FILIP1L: variants seen among roughly 807,000 people sequenced by gnomAD.
FILIP1L encodes the protein filamin A-interacting protein 1-like.
A neutral mutation model predicts 96.6 loss-of-function variants in FILIP1L; 55 were observed. That is an observed-to-expected ratio of 0.57 (90% CI 0.46 to 0.71). The LOEUF (loss-of-function observed/expected upper bound fraction) is 0.71, where lower values mean the gene tolerates loss of function less well. Ranked by LOEUF, FILIP1L falls within the 30% of genes least tolerant of loss-of-function variation. The pLI is 0.00. For synonymous variants in FILIP1L, 467 were observed against 473.9 expected (o/e 0.99, Z 0.19); for missense variants, 1,304 against 1,321.2 (o/e 0.99, Z 0.20).
intron 1 of FILIP1L, among the ~76,000 whole-genome samples, chr3:99,984,366 C>A (rs1391688896): frequency 6.6e-6 from 1 of 152,144 alleles, no homozygotes; most frequent in African/African-American, 2.4e-5. Flanking sequence ...TAGGATTAAA[C>A]CATTTATTAC....
At chr3:100,000,877 T>A (rs1287512296) in intron 1 of FILIP1L, among the ~76,000 whole-genome samples, 1 of 152,236 alleles carries the variant, frequency 6.6e-6, no homozygotes, top group Non-Finnish European at 1.5e-5. Context: ...TCAGTAACTA[T>A]GTTGTATATA....
intron 1 of FILIP1L, among the ~76,000 whole-genome samples, chr3:100,086,364 T>C (rs931381021): frequency 4.6e-5 from 7 of 152,186 alleles, no homozygotes; most frequent in African/African-American, 1.7e-4. Flanking sequence ...CAAGTATTAC[T>C]ACTGAGAAAT....
intron 5 of FILIP1L, among the ~76,000 whole-genome samples, chr3:99,831,128 A>G (rs1393112884): frequency 6.6e-6 from 1 of 152,206 alleles, no homozygotes; most frequent in African/African-American, 2.4e-5. Flanking sequence ...AGTCAAGGAT[A>G]TTTGATTTTA....
At chr3:100,017,557 T>C (rs1334229815) in intron 1 of FILIP1L, among the ~76,000 whole-genome samples, 2 of 152,212 alleles carry the variant, frequency 1.3e-5, no homozygotes, top group African/African-American at 4.8e-5. Context: ...CTTTGTGCTG[T>C]CAGCAACATG....
chr3:100,000,238 C>T (rs940231228), intron 1 of FILIP1L, among the ~76,000 whole-genome samples: 30 of 152,186 alleles, frequency 2.0e-4, no homozygotes, highest in African/African-American at 7.0e-4. Context: ...TAATATTGTC[C>T]GGTGACCTTG....
chr3:99,901,189 G>A (rs116775010), intron 4 of FILIP1L, among the ~76,000 whole-genome samples: 1,715 of 152,274 alleles, frequency 0.011, 18 homozygotes, highest in African/African-American at 0.025. Context: ...CAAATCTTCA[G>A]GAAAGTGTTG....
chr3:100,021,170 T>A (rs953417899), intron 1 of FILIP1L, among the ~76,000 whole-genome samples: 1 of 152,192 alleles, frequency 6.6e-6, no homozygotes, highest in Non-Finnish European at 1.5e-5. Context: ...TGCTCTCACA[T>A]AGAACACACT....
At chr3:100,043,994 C>T (rs1247348140) in intron 1 of FILIP1L, among the ~76,000 whole-genome samples, 1 of 152,150 alleles carries the variant, frequency 6.6e-6, no homozygotes, top group African/African-American at 2.4e-5. Context: ...CAGTTCCATC[C>T]ACGTTGTTGG....
rs138947318 is a variant in FILIP1L, at chr3:99,968,818, G to A, written c.-10-37788C>T. Among the ~76,000 whole-genome samples the A allele has an allele frequency of 4.4e-3, 673 of 152,290 alleles. 2 individuals carry two copies. The highest frequency in any genetic ancestry group is 0.015 in the African/African-American group (619 of 41,550). On this transcript the variant is annotated intron_variant, in intron 1 of 5. Coordinates refer to ENST00000477258, the MANE Select transcript of FILIP1L (RefSeq NM_001387850.1). The stretch of plus-strand genomic sequence containing the variant: ...GAGAAGTTTCAGTCCAGTGGCCAGG[G>A]CAGAATGACATTGTGTCTTGTTTTA...
chr3:100,031,735 G>A (rs545230903), intron 1 of FILIP1L, among the ~76,000 whole-genome samples: 87 of 152,238 alleles, frequency 5.7e-4, no homozygotes, highest in African/African-American at 2.0e-3. Flanking sequence ...GGAGGACCTT[G>A]TATTTTACGT....
chr3:100,062,093 C>CT lies in FILIP1L; in HGVS notation c.-11+51959dup, dbSNP rs71907944. Among the ~76,000 whole-genome samples the CT allele has an allele frequency of 2.8e-3, 148 of 53,172 alleles. 46 individuals are homozygous for CT. Among genetic ancestry groups the CT allele is most frequent in the Middle Eastern group, 0.014 (1 of 72 alleles). 34.9% of individuals were successfully genotyped at this position (53,172 alleles called of 152,430 possible). A position where few individuals can be genotyped will look rare whatever the true frequency, so the allele number is the denominator to read the frequency against. The stretch of plus-strand genomic sequence containing the variant: ...CCACTTGTGGTTATCCTGTCTTCTT[C>CT]TTTTTTTTTTTTTTTTTTTTTTTTT... On this transcript the variant is annotated intron_variant, in intron 1 of 5. Transcript: ENST00000477258.
chr3:99,987,615 A>G (rs1328665436), intron 1 of FILIP1L, among the ~76,000 whole-genome samples: 1 of 152,154 alleles, frequency 6.6e-6, no homozygotes, highest in Non-Finnish European at 1.5e-5. Context: ...CTCTGGCCTT[A>G]ATCTTATTAA....
At chr3:99,983,936 T>G (rs1310142657) in intron 1 of FILIP1L, among the ~76,000 whole-genome samples, 2 of 151,872 alleles carry the variant, frequency 1.3e-5, no homozygotes, top group Non-Finnish European at 2.9e-5. Flanking sequence ...GAGAGGAAAA[T>G]GTCCTATACC....
At chr3:100,087,400 AC>A (rs2066028590) in intron 1 of FILIP1L, among the ~76,000 whole-genome samples, 1 of 152,076 alleles carries the variant, frequency 6.6e-6, no homozygotes, top group African/African-American at 2.4e-5. Flanking sequence ...GTTTTGGTTG[AC>A]TGGGTTTTGT....
intron 1 of FILIP1L, among the ~76,000 whole-genome samples, chr3:100,108,970 G>C (rs890318598): frequency 1.3e-5 from 2 of 151,838 alleles, no homozygotes; most frequent in Non-Finnish European, 2.9e-5. Context: ...GGTACTTAGA[G>C]TTTATTGCGT....
At chr3:100,040,522 T>C (rs963365142) in intron 1 of FILIP1L, 2 of 152,238 alleles carry the variant, frequency 1.3e-5, no homozygotes, top group African/African-American at 2.4e-5. Context: ...TAGTGATTTG[T>C]ACAGACTTCT....
intron 1 of FILIP1L, among the ~76,000 whole-genome samples, chr3:100,016,263 G>A (rs1325914957): frequency 6.6e-6 from 1 of 152,160 alleles, no homozygotes; most frequent in East Asian, 1.9e-4. Flanking sequence ...TGCGATCTCG[G>A]CTCACTGCAA....
chr3:99,986,012 C>G (rs765539182), intron 1 of FILIP1L, among the ~76,000 whole-genome samples: 4 of 152,190 alleles, frequency 2.6e-5, no homozygotes, highest in Non-Finnish European at 5.9e-5. Context: ...TAATGAGATA[C>G]AGTTTGCACG....
chr3:99,892,650 G>A (rs182357987), intron 4 of FILIP1L, among the ~76,000 whole-genome samples: 2 of 152,156 alleles, frequency 1.3e-5, no homozygotes, highest in African/African-American at 2.4e-5. Context: ...AGGTGGAGAA[G>A]GTGCCATCTC....
Sources: gnomAD v4.1 joint callset for allele counts (sites outside exome capture counted in the v4.1 genomes callset) on GRCh38, gnomAD v4.1.1 for gene constraint, MANE v1.5 for transcripts, NCBI Gene and HGNC (gene_info 2026-07-23, HGNC 2026-07-21) for gene names.